Variants in SPTB observed in about 807,000 individuals in gnomAD.
SPTB encodes the protein spectrin beta chain, erythrocytic.
Under a neutral mutation model 256.2 loss-of-function variants are expected in SPTB, and 45 were observed. The observed-to-expected ratio is 0.18, with a 90% CI of 0.14 to 0.23. The LOEUF (loss-of-function observed/expected upper bound fraction) is 0.23. Among genes scored for constraint, SPTB ranks in the 10% least tolerant of loss-of-function variants. The probability of loss-of-function intolerance (pLI) is 1.00; values close to 1 mark genes in which losing one functional copy is unlikely to be tolerated. For synonymous variants in SPTB, 1,231 were observed against 1,243.1 expected (o/e 0.99, Z 0.21); for missense variants, 2,715 against 3,040.4 (o/e 0.89, Z 2.52).
intron 2 of SPTB, among the ~76,000 whole-genome samples, chr14:64,813,731 G>A (rs1370173442): frequency 6.6e-6 from 1 of 152,182 alleles, no homozygotes. Flanking sequence ...TCACCATGTT[G>A]GCCAGGCTGG....
At chr14:64,773,527 T>G in intron 24 of SPTB, 103 bp from the exon 25 acceptor site, 1 of 1,234,320 alleles carries the variant, frequency 8.1e-7, no homozygotes, top group Non-Finnish European at 1.2e-6. Context: ...CTGGCAGGGA[T>G]AGGTAGGGAG....
intron 2 of SPTB, 35 bp from the exon 3 acceptor site, chr14:64,805,125 A>C (rs2082958483): frequency 6.2e-7 from 1 of 1,613,770 alleles, no homozygotes. Flanking sequence ...GAGGTGCCTG[A>C]GGTTGGCAGG....
rs2082901674 is a variant in SPTB, at chr14:64,802,300, G to T, written c.492C>A (p.Val164=). The change falls in exon 5 of 36, where the codon GTC becomes GTA. Residue 164 remains valine (V), a synonymous_variant. Transcript: ENST00000644917. This position sits in a 1 kb window ranked among gnomAD's most constrained non-coding sequence, Gnocchi z 5.1. ...ILRFQIQDIV[V]QTQEGRETRS... is the part of the protein sequence containing the mutation. ...GTGTTTCACGACCTTCCTGAGTTTG[G>T]ACCACAATGTCCTGAATCTGAGGGT... The T allele has an allele frequency of 6.2e-7, 1 of 1,614,072 alleles. No homozygotes were observed. The highest frequency in any genetic ancestry group is 8.5e-7 in the Non-Finnish European group (1 of 1,180,048).
rs542469316 is a variant in SPTB, at chr14:64,796,865, T to A, written c.1183-150A>T. On this transcript the variant is annotated intron_variant, in intron 10 of 35. Transcript: ENST00000644917. The surrounding 1 kb of genome is among the most constrained non-coding windows in gnomAD (Gnocchi z 4.1). The stretch of plus-strand genomic sequence containing the variant: ...GACGTGGTAGCAGATTAAAGATCAA[T>A]AAAAGCCTTTGGCTTTCATGTCTGG... 6.0e-5 allele frequency: 62 copies of A among 1,026,222 alleles called. No homozygotes were observed. The African/African-American group carries it at 8.1e-4, about 13-fold the overall frequency. The allele number at this position is 1,026,222 out of a possible 1,614,324, so 63.6% of individuals were successfully genotyped here. A position where few individuals can be genotyped will look rare whatever the true frequency, so the allele number is the denominator to read the frequency against.
rs886050623 is a variant in SPTB, at chr14:64,793,867, C to T, written c.1796G>A (p.Gly599Glu). 3 of 1,599,070 alleles carry T rather than the reference C, an allele frequency of 1.9e-6. No individual in the cohort carries two copies. The highest frequency in any genetic ancestry group is 2.7e-5 in the African/African-American group (2 of 74,572). ...AATLKFTEGK[G>E]YQPCDPQVIQ... ...GACCTGGGGGTCACAAGGCTGGTAC[C>T]CTGGAAGAAATAGGGGGAAGGAGGA... Residue 599 changes from glycine (G) to glutamate (E), a missense_variant and splice_region_variant, in exon 14 of 36, where the codon GGG becomes GAG. Coordinates refer to ENST00000644917, the MANE Select transcript of SPTB (RefSeq NM_001355436.2). The surrounding 1 kb of genome is among the most constrained non-coding windows in gnomAD (Gnocchi z 7.0).
intron 33 of SPTB, among the ~76,000 whole-genome samples, chr14:64,752,579 A>G (rs547157409): frequency 2.0e-5 from 3 of 152,332 alleles, no homozygotes; most frequent in East Asian, 3.9e-4. Flanking sequence ...AGAAACATCA[A>G]TGTCACAGGA....
At chr14:64,851,610 G>A (rs2083788187) in intron 1 of SPTB, among the ~76,000 whole-genome samples, 1 of 152,126 alleles carries the variant, frequency 6.6e-6, no homozygotes, top group Non-Finnish European at 1.5e-5. Context: ...CTAGGCATGA[G>A]GGTTACGAAG....
rs143820600 is a variant in SPTB at position 64,753,656 on chromosome 14, G to T, written c.6483C>A (p.Ser2161Arg). Residue 2161 changes from serine to arginine, a missense_variant, in exon 33 of 36, where the codon AGC becomes AGA. Ser to Arg is a moderately radical substitution (Grantham distance 110, BLOSUM62 -1). This residue lies in a region of SPTB where 2,239 missense variants were observed against 2,384.4 expected (regional missense o/e 0.94). Transcript: ENST00000644917. ...PLFKVLDTPL[S>R]EGDEPATLPA... ...GCAGCGTTGCGGGCTCATCACCCTC[G>T]CTCAGAGGCGTATCTAGGACCTTAA... The T allele has an allele frequency of 5.6e-4, 901 of 1,613,600 alleles. 4 individuals are homozygous for T. In the African/African-American group the frequency reaches 0.011, roughly 20 times the overall value.
At chr14:64,855,170 A>G (rs2083852141) in intron 1 of SPTB, among the ~76,000 whole-genome samples, 2 of 152,252 alleles carry the variant, frequency 1.3e-5, no homozygotes, top group Admixed American at 6.5e-5. Flanking sequence ...GGAGTGACAG[A>G]CAAAATAAAA....
rs143077561 is a variant in SPTB, at chr14:64,801,295, G to A, written c.753C>T (p.Leu251=). 106 of 1,613,800 alleles carry A rather than the reference G, an allele frequency of 6.6e-5. 1 individual carries two copies. The African/African-American group carries it at 1.2e-3, about 18-fold the overall frequency. The change falls in exon 7 of 36, where the codon CTC becomes CTT. Residue 251 remains leucine (L), a synonymous_variant. Transcript: ENST00000644917. ...GTGGGTGTGGCTCACCTTCGGGGTC[G>A]AGGAGCGGGATGATGCCCAGCTGGC... ...AERQLGIIPL[L]DPEDVFTENP...
chr14:64,782,349 G>A lies in SPTB; in HGVS notation c.4207C>T (p.Arg1403Trp), dbSNP rs545984220. ...AGGTCCTTGCCCGGGTCGTCTGACCGCAGCTGGTCCTCCATGGCGCTGATC... is the reference window on the plus strand; with the variant it reads ...AGGTCCTTGCCCGGGTCGTCTGACCACAGCTGGTCCTCCATGGCGCTGATC... The part of the protein sequence containing the change: ...KWISAMEDQL[R>W]SDDPGKDLTS... The change falls in exon 20 of 36, where the codon CGG (arginine) becomes TGG (tryptophan). Residue 1403 changes from arginine to tryptophan, a missense_variant. By Grantham distance (101) the Arg-to-Trp change is moderately radical. This residue lies in a region of SPTB where 2,239 missense variants were observed against 2,384.4 expected (regional missense o/e 0.94). Transcript: ENST00000644917. 1.3e-5 allele frequency: 21 copies of A among 1,614,150 alleles called. No homozygotes were observed. In the Admixed American group the frequency reaches 2.3e-4, roughly 18 times the overall value.
intron 1 of SPTB, among the ~76,000 whole-genome samples, chr14:64,829,883 C>A (rs1431157065): frequency 6.6e-6 from 1 of 152,160 alleles, no homozygotes; most frequent in Non-Finnish European, 1.5e-5. Flanking sequence ...GGTAACCTGC[C>A]AGCCTTCTTT....
At chr14:64,788,905 A>T (rs1352062896) in intron 15 of SPTB, among the ~76,000 whole-genome samples, 1 of 152,266 alleles carries the variant, frequency 6.6e-6, no homozygotes, top group Non-Finnish European at 1.5e-5. Context: ...GTGAAAGATG[A>T]TCACACATTC....
rs187811788 is a variant in SPTB, at chr14:64,866,899, T to C, written c.-52+12893A>G. Among the ~76,000 whole-genome samples the C allele has an allele frequency of 1.3e-5, 2 of 152,308 alleles. No homozygotes were observed. The highest frequency in any genetic ancestry group is 6.5e-5 in the Admixed American group (1 of 15,306). On this transcript the variant is annotated intron_variant, in intron 1 of 35. Coordinates refer to ENST00000644917, the MANE Select transcript of SPTB (RefSeq NM_001355436.2). This position sits in a 1 kb window ranked among gnomAD's most constrained non-coding sequence, Gnocchi z 4.6. ...TTTTCTGAAGTGCTTTTCTTAACTC[T>C]TTATTGTTATGAAACAAATCTTGTG...
At chr14:64,780,659 C>T (rs1456945269) in intron 20 of SPTB, among the ~76,000 whole-genome samples, 2 of 152,164 alleles carry the variant, frequency 1.3e-5, no homozygotes, top group African/African-American at 4.8e-5. Flanking sequence ...GTGATCTGCC[C>T]ACCTTGGCCT....
chr14:64,812,038 A>T (rs2139665021), intron 2 of SPTB, among the ~76,000 whole-genome samples: 1 of 152,344 alleles, frequency 6.6e-6, no homozygotes, highest in Non-Finnish European at 1.5e-5. Flanking sequence ...TTTAAATTTT[A>T]AAATCTTTTG....
chr14:64,838,204 C>T (rs1323751448), intron 1 of SPTB, among the ~76,000 whole-genome samples: 2 of 152,056 alleles, frequency 1.3e-5, no homozygotes, highest in Non-Finnish European at 2.9e-5. Flanking sequence ...AACTGGACAT[C>T]CATATGCAAA....
At chr14:64,828,637 C>A (rs765893393) in intron 1 of SPTB, among the ~76,000 whole-genome samples, 1 of 152,226 alleles carries the variant, frequency 6.6e-6, no homozygotes. Flanking sequence ...TTAATATCTA[C>A]ATTTACAGAA....
intron 2 of SPTB, among the ~76,000 whole-genome samples, chr14:64,808,832 C>T (rs1302511364): frequency 6.6e-6 from 1 of 152,046 alleles, no homozygotes; most frequent in Admixed American, 6.6e-5. Context: ...ATGGTCAATG[C>T]TCGAGGGTTC....
Sources: gnomAD v4.1 joint callset for allele counts (sites outside exome capture counted in the v4.1 genomes callset) on GRCh38, gnomAD v4.1.1 for gene constraint, gnomAD v4.1.1 regional missense constraint, Gnocchi (gnomAD v3.1) non-coding constraint, MANE v1.5 for transcripts, NCBI Gene and HGNC (gene_info 2026-07-23, HGNC 2026-07-21) for gene names.